The following ARK2C variants were observed in gnomAD, a reference collection of about 807,000 sequenced individuals.
ARK2C encodes E3 ubiquitin-protein ligase ARK2C.
At chr18:46,382,361 A>G in the ARK2C span, among the ~76,000 whole-genome samples, 2 of 152,198 alleles carry the variant, frequency 1.3e-5, no homozygotes, top group African/African-American at 2.4e-5. Context: ...GATTTACTAC[A>G]TAGCTCAGAG....
chr18:46,431,371 G>A, the ARK2C span, among the ~76,000 whole-genome samples: 1 of 152,166 alleles, frequency 6.6e-6, no homozygotes, highest in South Asian at 2.1e-4. Context: ...GGGTGAGAAT[G>A]GACTTTTCAA....
At chr18:46,368,322 T>G in the ARK2C span, among the ~76,000 whole-genome samples, 1 of 151,536 alleles carries the variant, frequency 6.6e-6, no homozygotes, top group African/African-American at 2.4e-5. Context: ...TTTAAGCACT[T>G]ACTCTTCCCC....
chr18:46,412,750 C>T, the ARK2C span, among the ~76,000 whole-genome samples: 115 of 152,258 alleles, frequency 7.6e-4, no homozygotes, highest in African/African-American at 2.3e-3. Flanking sequence ...AAGGCCGCCT[C>T]GGGCAGGTAC....
the ARK2C span, among the ~76,000 whole-genome samples, chr18:46,398,182 G>A: frequency 6.1e-5 from 9 of 148,734 alleles, no homozygotes; most frequent in Admixed American, 6.7e-5. Flanking sequence ...TGCATGTGGT[G>A]TATGTGTGTG....
At chr18:46,441,762 C>T in the ARK2C span, among the ~76,000 whole-genome samples, 2 of 150,292 alleles carry the variant, frequency 1.3e-5, no homozygotes, top group Non-Finnish European at 3.0e-5. Flanking sequence ...GTGGCGGGCG[C>T]CTGTAGTCCC....
chr18:46,348,743 T>C, the ARK2C span, among the ~76,000 whole-genome samples: 6,177 of 152,196 alleles, frequency 0.041, 225 homozygotes, highest in East Asian at 0.15. Flanking sequence ...TTCCAACAAT[T>C]TGGAAATACT....
At chr18:46,429,480 A>C in the ARK2C span, among the ~76,000 whole-genome samples, 1 of 152,154 alleles carries the variant, frequency 6.6e-6, no homozygotes, top group Non-Finnish European at 1.5e-5. Context: ...TCTATTTTTA[A>C]ATTTCTGATA....
At chr18:46,454,756 G>A in the ARK2C span, among the ~76,000 whole-genome samples, 1 of 152,366 alleles carries the variant, frequency 6.6e-6, no homozygotes, top group Non-Finnish European at 1.5e-5. Context: ...TGTCTCTGGA[G>A]AGGGACAGAA....
At chr18:46,348,333 G>T in the ARK2C span, among the ~76,000 whole-genome samples, 1,180 of 152,250 alleles carry the variant, frequency 7.8e-3, 13 homozygotes, top group African/African-American at 0.027. Flanking sequence ...GGAAGCTAAG[G>T]CTTTGTTGGC....
At chr18:46,406,108 C>T in the ARK2C span, among the ~76,000 whole-genome samples, 1 of 152,128 alleles carries the variant, frequency 6.6e-6, no homozygotes, top group Non-Finnish European at 1.5e-5. Context: ...ATATCCACTC[C>T]TACACTCCCC....
the ARK2C span, chr18:46,450,636 C>G: frequency 8.0e-7 from 1 of 1,257,158 alleles, no homozygotes; most frequent in Non-Finnish European, 1.2e-6. Context: ...AGCTCCCAAT[C>G]CATATCCTGT....
chr18:46,455,908 G>A, the ARK2C span: 2 of 977,954 alleles, frequency 2.0e-6, no homozygotes, highest in Non-Finnish European at 3.2e-6. Context: ...GGCTGTGGGT[G>A]AAAACCACCA....
the ARK2C span, among the ~76,000 whole-genome samples, chr18:46,341,214 G>A: frequency 6.6e-6 from 1 of 151,312 alleles, no homozygotes; most frequent in Non-Finnish European, 1.5e-5. Context: ...TGGAGAGTTT[G>A]GACTGGCTTC....
chr18:46,453,357 C>T, the ARK2C span, among the ~76,000 whole-genome samples: 2 of 152,074 alleles, frequency 1.3e-5, no homozygotes, highest in East Asian at 1.9e-4. Flanking sequence ...ACCTGTGTCC[C>T]GGACCAGGGA....
At chr18:46,353,347 G>A in the ARK2C span, among the ~76,000 whole-genome samples, 1 of 152,176 alleles carries the variant, frequency 6.6e-6, no homozygotes, top group South Asian at 2.1e-4. Context: ...GGATTGTTGG[G>A]GAGATTCAGC....
At chr18:46,410,072 G>A in the ARK2C span, among the ~76,000 whole-genome samples, 1 of 152,152 alleles carries the variant, frequency 6.6e-6, no homozygotes, top group Non-Finnish European at 1.5e-5. Context: ...GGGCCCTGCT[G>A]TTTTACTTAT....
the ARK2C span, among the ~76,000 whole-genome samples, chr18:46,380,195 G>A: frequency 6.6e-6 from 1 of 152,228 alleles, no homozygotes; most frequent in South Asian, 2.1e-4. Context: ...AAGACTGGAT[G>A]GTCTCTCTGC....
At chr18:46,432,279 C>G in the ARK2C span, among the ~76,000 whole-genome samples, 2 of 152,180 alleles carry the variant, frequency 1.3e-5, no homozygotes, top group African/African-American at 4.8e-5. Context: ...TTGAATGTAG[C>G]CTGAACCCAG....
At chr18:46,434,489 T>C in the ARK2C span, among the ~76,000 whole-genome samples, 1 of 152,252 alleles carries the variant, frequency 6.6e-6, no homozygotes, top group Admixed American at 6.5e-5. Context: ...TGTGTTCTTA[T>C]GTCTGCTTCT....
Sources: allele counts gnomAD v4.1 joint callset (sites outside exome capture counted in the v4.1 genomes callset), GRCh38; gene constraint gnomAD v4.1.1; transcripts MANE v1.5; gene names NCBI Gene and HGNC (gene_info 2026-07-23, HGNC 2026-07-21).